The following PSIP1 variants were observed in gnomAD, a reference collection of about 807,000 sequenced individuals.
PSIP1 encodes the protein PC4 and SRSF1 interacting protein 1.
Under a neutral mutation model 74.7 loss-of-function variants are expected in PSIP1, and 19 were observed. The observed-to-expected ratio is 0.25, with a 90% CI of 0.18 to 0.37. The LOEUF (loss-of-function observed/expected upper bound fraction) is 0.37, where lower values mean the gene tolerates loss of function less well. Among genes scored for constraint, PSIP1 ranks in the 10% least tolerant of loss-of-function variants. The probability of loss-of-function intolerance (pLI) is 1.00; values close to 1 mark genes in which losing one functional copy is unlikely to be tolerated. For missense variants in PSIP1, 601 were observed against 614.3 expected, an observed-to-expected ratio of 0.98 and a Z score of 0.23; for synonymous variants, 222 against 195.3, an observed-to-expected ratio of 1.14 and a Z score of -1.14.
rs1415762446 is a variant in PSIP1, at chr9:15,498,358, G to C, written c.149+8203C>G. On this transcript the variant is annotated intron_variant, in intron 3 of 15. Transcript: ENST00000380733. ...CTGAATTCGGGAGGCGGAGATTGCA[G>C]TGAGACAAGATCGTGCCACTGCATT... is the stretch of plus-strand genomic sequence containing the variant. Among the ~76,000 whole-genome samples the C allele has an allele frequency of 5.9e-5, 9 of 152,202 alleles. 1 individual carries two copies. In the South Asian group the frequency reaches 6.2e-4, roughly 10 times the overall value.
chr9:15,471,156 T>C, intron 10 of PSIP1: 1 of 1,606,398 alleles, frequency 6.2e-7, no homozygotes, highest in Non-Finnish European at 8.5e-7. Context: ...TTGTATTCTC[T>C]TTTCAGTAAC....
chr9:15,490,222 C>A, intron 3 of PSIP1, 98 bp from the exon 4 acceptor site: 1 of 1,120,660 alleles, frequency 8.9e-7, no homozygotes. Flanking sequence ...AAATACAGAA[C>A]CTAAACTGCA....
chr9:15,494,052 A>C (rs1268913785), intron 3 of PSIP1, among the ~76,000 whole-genome samples: 2 of 151,654 alleles, frequency 1.3e-5, no homozygotes, highest in African/African-American at 4.8e-5. Flanking sequence ...ATGACAGCTG[A>C]TATACATATA....
At chr9:15,477,737 C>G (rs2036152149) in intron 8 of PSIP1, among the ~76,000 whole-genome samples, 1 of 151,972 alleles carries the variant, frequency 6.6e-6, no homozygotes, top group African/African-American at 2.4e-5. Context: ...CGCACAATTT[C>G]CTGGATAACT....
At position 15,497,246 on chromosome 9, in the gene PSIP1, C is replaced by A. The variant is rs191660261; in HGVS notation, c.150-7122G>T. Among the ~76,000 whole-genome samples, 267 of 151,200 alleles carry A rather than the reference C, an allele frequency of 1.8e-3. 6 individuals are homozygous for A. The highest frequency in any genetic ancestry group is 0.012 in the Admixed American group (190 of 15,216). On this transcript the variant is annotated intron_variant, in intron 3 of 15. Coordinates refer to ENST00000380733, the MANE Select transcript of PSIP1 (RefSeq NM_033222.5). ...GTAGTAATGTACTATCACATCCAGG[C>A]TAGAGCATGGATGAATCTTGAAAAA... is the stretch of plus-strand genomic sequence containing the variant.
At chr9:15,510,616 G>A (rs1028717133) in intron 1 of PSIP1, among the ~76,000 whole-genome samples, 1 of 152,118 alleles carries the variant, frequency 6.6e-6, no homozygotes, top group African/African-American at 2.4e-5. Flanking sequence ...AAGGGAGGGG[G>A]TGCATGGGAG....
intron 4 of PSIP1, among the ~76,000 whole-genome samples, chr9:15,488,533 T>A (rs2036659588): frequency 6.6e-6 from 1 of 152,192 alleles, no homozygotes; most frequent in African/African-American, 2.4e-5. Context: ...AAGCCATCTG[T>A]TTATTTTAAA....
Position 15,465,158 on chromosome 9 carries a change from TG to T in PSIP1, c.*361del. The T allele has an allele frequency of 4.2e-6, 1 of 239,930 alleles. No individual in the cohort carries two copies. The highest frequency in any genetic ancestry group is 1.7e-4 in the South Asian group (1 of 5,926). The allele number at this position is 239,930 out of a possible 1,614,324, so 14.9% of individuals were successfully genotyped here. A position where few individuals can be genotyped will look rare whatever the true frequency, so the allele number is the denominator to read the frequency against. On this transcript the variant is annotated 3_prime_UTR_variant, in exon 16 of 16. Coordinates refer to ENST00000380733, the MANE Select transcript of PSIP1 (RefSeq NM_033222.5). ...AACTATGCACAAAACCCACAGTATTTGGGAAAAGAGGCAAGGTTTATACAAG... is the reference window on the plus strand; with the variant it reads ...AACTATGCACAAAACCCACAGTATTTGGAAAAGAGGCAAGGTTTATACAAG...
intron 1 of PSIP1, 64 bp from the exon 2 acceptor site, chr9:15,510,393 G>C (rs2037808694): frequency 2.5e-6 from 1 of 397,888 alleles, no homozygotes; most frequent in Non-Finnish European, 4.5e-6. Flanking sequence ...CAAGGGGAGG[G>C]GGAGGGGAAC....
chr9:15,482,089 C>T (rs549941299), intron 6 of PSIP1, among the ~76,000 whole-genome samples: 1 of 152,196 alleles, frequency 6.6e-6, no homozygotes, highest in East Asian at 1.9e-4. Flanking sequence ...CCCTTTCTAG[C>T]TCTACCAGCT....
At chr9:15,483,753 G>A (rs1175978884) in intron 6 of PSIP1, among the ~76,000 whole-genome samples, 1 of 152,128 alleles carries the variant, frequency 6.6e-6, no homozygotes, top group Admixed American at 6.5e-5. Flanking sequence ...GCATTCTTTG[G>A]GAGGCTAAGG....
At chr9:15,508,610 A>G (rs2132253137) in intron 2 of PSIP1, among the ~76,000 whole-genome samples, 1 of 152,294 alleles carries the variant, frequency 6.6e-6, no homozygotes, top group Non-Finnish European at 1.5e-5. Flanking sequence ...TCTATTAGAC[A>G]ACCTCATATT....
At chr9:15,469,373 T>C (rs1304468082) in intron 11 of PSIP1, 37 bp from the exon 12 acceptor site, 2 of 1,367,564 alleles carry the variant, frequency 1.5e-6, no homozygotes, top group Non-Finnish European at 2.0e-6. Flanking sequence ...GTGAACAGTT[T>C]TTCCAAAACC....
intron 10 of PSIP1, chr9:15,471,405 A>G: frequency 6.7e-7 from 1 of 1,499,030 alleles, no homozygotes; most frequent in East Asian, 2.4e-5. Context: ...ATTCAAAAGA[A>G]ACTGAAATAC....
chr9:15,468,704 T>C lies in PSIP1; in HGVS notation c.1346A>G (p.Gln449Arg). ...VLNKSLAEQR[Q>R]HEEANKTKDQ... ...TTTGGTTTTATTCGCTTCCTCATGC[T>C]GTCTTTGTTCAGCAAGAGATTTATT... Residue 449 changes from glutamine (Q) to arginine (R), a missense_variant, in exon 14 of 16, where the codon CAG (glutamine) becomes CGG (arginine). Around this residue, in one of 2 missense-constraint regions of PSIP1, gnomAD observed 538 missense variants for 507.6 expected, o/e 1.06. Transcript: ENST00000380733. 1 of 1,614,188 alleles carries C rather than the reference T, an allele frequency of 6.2e-7. No individual in the cohort carries two copies. The highest frequency in any genetic ancestry group is 8.5e-7 in the Non-Finnish European group (1 of 1,180,016).
chr9:15,492,496 TCAGG>T, intron 3 of PSIP1, among the ~76,000 whole-genome samples: 1 of 152,154 alleles, frequency 6.6e-6, no homozygotes, highest in Non-Finnish European at 1.5e-5. Context: ...ACAACCCGCC[TCAGG>T]CTGGTGTTGA....
Position 15,510,322 on chromosome 9 carries a change from C to A in PSIP1, c.-134G>T. The A allele has an allele frequency of 2.0e-6, 1 of 490,366 alleles. No individual in the cohort carries two copies. 30.4% of individuals were successfully genotyped at this position (490,366 alleles called of 1,614,324 possible). ...GGGAGGATGCCTCGGGGCGTCCCGACGCGCCTGCTAGGGAGAGCACCGAGG... is the reference window on the plus strand; with the variant it reads ...GGGAGGATGCCTCGGGGCGTCCCGAAGCGCCTGCTAGGGAGAGCACCGAGG... On this transcript the variant is annotated 5_prime_UTR_variant, in exon 2 of 16. Coordinates refer to ENST00000380733, the MANE Select transcript of PSIP1 (RefSeq NM_033222.5).
chr9:15,504,221 T>C (rs895301104), intron 3 of PSIP1, among the ~76,000 whole-genome samples: 1 of 152,230 alleles, frequency 6.6e-6, no homozygotes, highest in Non-Finnish European at 1.5e-5. Context: ...TTCATTTGAA[T>C]TCCTTGAATA....
intron 3 of PSIP1, among the ~76,000 whole-genome samples, chr9:15,500,823 T>G (rs2037309192): frequency 6.6e-6 from 1 of 152,192 alleles, no homozygotes; most frequent in African/African-American, 2.4e-5. Flanking sequence ...TTTCCTAGAC[T>G]TCTAAGATAC....
Sources: allele counts gnomAD v4.1 joint callset (sites outside exome capture counted in the v4.1 genomes callset), GRCh38; gene constraint gnomAD v4.1.1; regional missense constraint gnomAD v4.1.1; transcripts MANE v1.5; gene names NCBI Gene and HGNC (gene_info 2026-07-23, HGNC 2026-07-21).